Variants in MRTFB observed in about 807,000 individuals in gnomAD.
The protein encoded by MRTFB is myocardin related transcription factor B, also known as myocardin-related transcription factor B.
MRTFB carries 29 observed loss-of-function variants against 104.2 expected under a neutral mutation model. The observed-to-expected ratio is 0.28, with a 90% CI of 0.21 to 0.38. The LOEUF (loss-of-function observed/expected upper bound fraction) is 0.38, where lower values mean the gene tolerates loss of function less well. MRTFB is among the 10% of genes least tolerant of loss of function. MRTFB has a pLI of 1.00. For missense variants in MRTFB, 1,270 were observed against 1,341.6 expected (o/e 0.95, Z 0.83); for synonymous variants, 535 against 519.5 (o/e 1.03, Z -0.41).
At chr16:14,072,555 C>T (rs2033776147) in intron 1 of MRTFB, among the ~76,000 whole-genome samples, 1 of 152,198 alleles carries the variant, frequency 6.6e-6, no homozygotes. Flanking sequence ...TGTGGTGGCG[C>T]ACACCTGTAG....
intron 3 of MRTFB, among the ~76,000 whole-genome samples, chr16:14,203,366 T>A (rs2040796573): frequency 6.6e-6 from 1 of 152,110 alleles, no homozygotes; most frequent in African/African-American, 2.4e-5. Flanking sequence ...AAAGTGTCAT[T>A]TTTGCATTGT....
the MRTFB span, among the ~76,000 whole-genome samples, chr16:14,054,557 A>G: frequency 6.6e-6 from 1 of 152,126 alleles, no homozygotes; most frequent in Non-Finnish European, 1.5e-5. Context: ...TCATCACTTC[A>G]GGAATTCCTT....
chr16:14,129,293 A>T (rs1461205981), intron 2 of MRTFB, among the ~76,000 whole-genome samples: 1 of 114,318 alleles, frequency 8.7e-6, no homozygotes, highest in Non-Finnish European at 1.6e-5. Context: ...AGATTCACTT[A>T]TTTAAAGTAT....
chr16:14,141,633 T>C (rs1235705138), intron 3 of MRTFB: 1 of 152,194 alleles, frequency 6.6e-6, no homozygotes, highest in African/African-American at 2.4e-5. Flanking sequence ...TGTCACTTAC[T>C]TTCCTGGGTC....
At chr16:14,079,130 A>G (rs1316301019) in intron 1 of MRTFB, among the ~76,000 whole-genome samples, 160 bp from the exon 2 acceptor site, 1 of 152,144 alleles carries the variant, frequency 6.6e-6, no homozygotes, top group Non-Finnish European at 1.5e-5. Context: ...TTTTAGTTAC[A>G]TTTTCAAATT....
In MRTFB at chr16:14,212,379, T is replaced by C. The variant is rs779095836; in HGVS notation, c.246T>C (p.His82=). The part of the protein sequence containing the change: ...MPPLKSPAAF[H]EQIKSLERAR... ...CTTTGAAGAGCCCAGCGGCATTCCA[T>C]GAACAGATAAAAAGCTTGGAACGAG... The change falls in exon 5 of 17, where the codon CAT becomes CAC. Residue 82 remains histidine (H), a synonymous_variant. Coordinates refer to ENST00000571589, the MANE Select transcript of MRTFB (RefSeq NM_001308142.2). 6.8e-6 allele frequency: 11 copies of C among 1,613,864 alleles called. No individual in the cohort carries two copies. The East Asian group carries it at 2.0e-4, about 29-fold the overall frequency.
chr16:14,014,341 G>A, the MRTFB span, among the ~76,000 whole-genome samples: 5 of 152,050 alleles, frequency 3.3e-5, no homozygotes, highest in Admixed American at 6.5e-5. Context: ...GAGGCCAGGA[G>A]TTTGAAACCA....
intron 2 of MRTFB, among the ~76,000 whole-genome samples, chr16:14,092,070 C>G (rs986179319): frequency 2.7e-5 from 4 of 149,630 alleles, no homozygotes; most frequent in African/African-American, 9.8e-5. Flanking sequence ...GGCACCACTT[C>G]TGTCCAATAA....
chr16:14,047,732 C>T, the MRTFB span, among the ~76,000 whole-genome samples: 1 of 152,122 alleles, frequency 6.6e-6, no homozygotes, highest in African/African-American at 2.4e-5. Context: ...TATGGGGGAA[C>T]CACCCCCATG....
Position 14,261,019 on chromosome 16 carries a change from C to T in MRTFB, c.2875C>T (p.Gln959Ter), listed in dbSNP as rs750434909. 6.2e-7 allele frequency: 1 copy of T among 1,614,172 alleles called. No homozygotes were observed. Among genetic ancestry groups the T allele is most frequent in the Non-Finnish European group, 8.5e-7 (1 of 1,180,028 alleles). Reference protein sequence around the residue: ...VNTVVSRPPPQVQMAPPVSLE... With the variant: ...VNTVVSRPPP ...TACAGTGGTGTCCCGGCCACCACCC[C>T]AAGTCCAAATGGCACCACCTGTATC... The change falls in exon 17 of 17, where the codon CAA (glutamine) becomes TAA (stop). Residue 959 changes from glutamine to a stop codon, truncating the protein, a stop_gained. Transcript: ENST00000571589. LOFTEE classifies it high-confidence loss of function.
intron 2 of MRTFB, among the ~76,000 whole-genome samples, chr16:14,087,983 A>G (rs1269228129): frequency 3.3e-5 from 5 of 152,318 alleles, no homozygotes; most frequent in Admixed American, 1.3e-4. Context: ...GCTTTGTGCC[A>G]TGCCCTGATT....
At chr16:14,176,330 T>G (rs540448403) in intron 3 of MRTFB, among the ~76,000 whole-genome samples, 1 of 152,214 alleles carries the variant, frequency 6.6e-6, no homozygotes, top group Non-Finnish European at 1.5e-5. Context: ...TCGCAAAGAT[T>G]ATAAAATTTA....
chr16:14,167,353 G>A (rs1192364276), intron 3 of MRTFB, among the ~76,000 whole-genome samples: 1 of 147,934 alleles, frequency 6.8e-6, no homozygotes, highest in Non-Finnish European at 1.5e-5. Context: ...ACTTTTTAAT[G>A]TTTTTTTTTT....
At chr16:14,068,020 T>C (rs1463153643), upstream of MRTFB, among the ~76,000 whole-genome samples, 1 of 151,568 alleles carries the variant, frequency 6.6e-6, no homozygotes. Context: ...TTAGTAGAGA[T>C]GGGGATTCAA....
At chr16:14,010,913 T>G in the MRTFB span, among the ~76,000 whole-genome samples, 1 of 152,254 alleles carries the variant, frequency 6.6e-6, no homozygotes, top group Non-Finnish European at 1.5e-5. Context: ...AGAACATTTC[T>G]GTTACCACAG....
chr16:14,045,963 C>CGGAAAATATT, the MRTFB span, among the ~76,000 whole-genome samples: 1 of 152,010 alleles, frequency 6.6e-6, no homozygotes, highest in African/African-American at 2.4e-5. Flanking sequence ...GAATAGATAC[C>CGGAAAATATT]GGAAAATATT....
intron 5 of MRTFB, 43 bp downstream of exon 5, chr16:14,212,452 T>C (rs956023538): frequency 1.3e-6 from 2 of 1,563,162 alleles, no homozygotes; most frequent in Non-Finnish European, 8.8e-7. Context: ...TCTCTCCTTC[T>C]CTCCTCTCTT....
At chr16:14,028,971 G>T in the MRTFB span, among the ~76,000 whole-genome samples, 1 of 152,106 alleles carries the variant, frequency 6.6e-6, no homozygotes, top group South Asian at 2.1e-4. Flanking sequence ...GTATCTAGCT[G>T]AAGTGAGTTA....
At position 14,265,222 on chromosome 16, in the gene MRTFB, CAT is replaced by C. The variant is rs1307978155; in HGVS notation, c.*3779_*3780del. ...TATTCAGTGTCTACTAGCAGAGCAA[CAT>C]GTGTCAATTTAACCAAATTCACAAA... On this transcript the variant is annotated 3_prime_UTR_variant, in exon 17 of 17. Transcript: ENST00000571589. The C allele has an allele frequency of 1.3e-5, 2 of 152,288 alleles. No homozygotes were observed. The highest frequency in any genetic ancestry group is 1.5e-5 in the Non-Finnish European group (1 of 68,014). 9.4% of individuals were successfully genotyped at this position (152,288 alleles called of 1,614,324 possible).
Sources: gnomAD v4.1 joint callset for allele counts (sites outside exome capture counted in the v4.1 genomes callset) on GRCh38, gnomAD v4.1.1 for gene constraint, MANE v1.5 for transcripts, NCBI Gene and HGNC (gene_info 2026-07-23, HGNC 2026-07-21) for gene names.